The following KIAA0825 variants were observed in gnomAD, a reference collection of about 807,000 sequenced individuals.
The protein encoded by KIAA0825 is KIAA0825.
Under a neutral mutation model 147.6 loss-of-function variants are expected in KIAA0825, and 119 were observed. The observed-to-expected ratio is 0.81, with a 90% confidence interval of 0.69 to 0.94. KIAA0825 has a LOEUF of 0.94. KIAA0825 is among the 40% of genes least tolerant of loss of function. The probability of loss-of-function intolerance (pLI) is 0.00; values close to 1 mark genes in which losing one functional copy is unlikely to be tolerated. For synonymous variants in KIAA0825, 470 were observed against 518.1 expected (o/e 0.91, Z 1.26); for missense variants, 1,381 against 1,472.7 (o/e 0.94, Z 1.02).
chr5:94,226,629 A>G (rs991195131), intron 20 of KIAA0825, among the ~76,000 whole-genome samples: 1 of 152,138 alleles, frequency 6.6e-6, no homozygotes, highest in African/African-American at 2.4e-5. Context: ...ATGTCCATCA[A>G]TGATAGAGTG....
chr5:94,181,649 A>G (rs1392229010), intron 20 of KIAA0825, among the ~76,000 whole-genome samples: 1 of 152,218 alleles, frequency 6.6e-6, no homozygotes, highest in Non-Finnish European at 1.5e-5. Flanking sequence ...AAGACATGCC[A>G]TGGCACATCC....
intron 2 of KIAA0825, among the ~76,000 whole-genome samples, chr5:94,563,400 G>A (rs1267515322): frequency 3.3e-5 from 5 of 150,962 alleles, no homozygotes; most frequent in Non-Finnish European, 7.4e-5. Flanking sequence ...CAACTTCAAA[G>A]TCAGATTTCT....
intron 20 of KIAA0825, among the ~76,000 whole-genome samples, chr5:94,210,298 G>C (rs1029436867): frequency 6.6e-6 from 1 of 152,172 alleles, no homozygotes; most frequent in African/African-American, 2.4e-5. Context: ...TATTTGCTTA[G>C]TGCAACATGA....
At chr5:94,505,712 G>A (rs1478632205) in intron 5 of KIAA0825, among the ~76,000 whole-genome samples, 1 of 151,828 alleles carries the variant, frequency 6.6e-6, no homozygotes, top group Non-Finnish European at 1.5e-5. Flanking sequence ...TAAAGAAAAA[G>A]GTCAAATTAA....
chr5:94,247,442 T>C (rs1035269573), intron 20 of KIAA0825, among the ~76,000 whole-genome samples: 4 of 152,122 alleles, frequency 2.6e-5, no homozygotes, highest in African/African-American at 9.7e-5. Flanking sequence ...GTCATCTTAA[T>C]TTTATTTACA....
chr5:94,593,283 A>T (rs1784668290), intron 1 of KIAA0825: 1 of 773,660 alleles, frequency 1.3e-6, no homozygotes, highest in Admixed American at 1.7e-5. Context: ...TTAGTCCATT[A>T]ATGGGAAAAA....
chr5:94,444,637 A>C (rs1425159886), intron 13 of KIAA0825, among the ~76,000 whole-genome samples: 2 of 152,124 alleles, frequency 1.3e-5, no homozygotes, highest in African/African-American at 4.8e-5. Context: ...TAGGTGGTAG[A>C]AGAATGTAAT....
In KIAA0825 at chr5:94,403,692, T is replaced by C; in HGVS notation, c.2764A>G (p.Ser922Gly). The change falls in exon 16 of 21, where the codon AGT (serine) becomes GGT (glycine). Residue 922 changes from serine to glycine, a missense_variant. By Grantham distance (56) the Ser-to-Gly change is moderately conservative (BLOSUM62 0). Transcript: ENST00000682413. ...TTTGTCTCACAGTTTCTCCTAGAAC[T>C]CATTACAGATACTATCTGCTGTACA... is the stretch of plus-strand genomic sequence containing the variant. ...DTVQQIVSVM[S>G]SRRNCETNLN... The C allele has an allele frequency of 6.4e-7, 1 of 1,551,584 alleles. No homozygotes were observed. The highest frequency in any genetic ancestry group is 1.2e-5 in the South Asian group (1 of 84,062).
chr5:94,278,350 A>T (rs1055652309), intron 20 of KIAA0825, among the ~76,000 whole-genome samples: 2 of 152,196 alleles, frequency 1.3e-5, no homozygotes, highest in Non-Finnish European at 2.9e-5. Context: ...GGAAATAAGT[A>T]TATTAAGGCA....
At position 94,413,878 on chromosome 5, in the gene KIAA0825, A is replaced by G. The variant is rs1584421486; in HGVS notation, c.2662+3323T>C. 3 of 152,238 alleles carry G rather than the reference A, an allele frequency of 2.0e-5. No individual in the cohort carries two copies. In the South Asian group the frequency reaches 6.2e-4, roughly 32 times the overall value. The allele number at this position is 152,238 out of a possible 1,614,324, so 9.4% of individuals were successfully genotyped here. On this transcript the variant is annotated intron_variant, in intron 15 of 20. Coordinates refer to ENST00000682413, the MANE Select transcript of KIAA0825 (RefSeq NM_001145678.3). Reference sequence around the variant, plus strand: ...AATACATGATTAGTTACAACATAGAACAAAGACAGCCTTTCAATATGTGAA... The same window carrying G: ...AATACATGATTAGTTACAACATAGAGCAAAGACAGCCTTTCAATATGTGAA...
chr5:94,332,209 CTTTCT>C (rs1466215960), intron 20 of KIAA0825, among the ~76,000 whole-genome samples: 4 of 143,964 alleles, frequency 2.8e-5, no homozygotes, highest in African/African-American at 1.0e-4. Context: ...AAGGAATTTT[CTTTCT>C]TTTCTTTTCT....
chr5:94,184,182 G>A (rs541996154), intron 20 of KIAA0825, among the ~76,000 whole-genome samples: 1 of 152,248 alleles, frequency 6.6e-6, no homozygotes, highest in South Asian at 2.1e-4. Flanking sequence ...TAAGTGTCGC[G>A]AGTAGAGAAA....
intron 20 of KIAA0825, among the ~76,000 whole-genome samples, chr5:94,272,767 A>G (rs1777050911): frequency 6.6e-6 from 1 of 152,230 alleles, no homozygotes; most frequent in Non-Finnish European, 1.5e-5. Flanking sequence ...TGCTTATTTC[A>G]AAGAAATGTT....
At position 94,600,579 on chromosome 5, in the gene KIAA0825, C is replaced by T. The variant is rs140173716; in HGVS notation, c.-153+17921G>A. 1.5e-3 allele frequency among the ~76,000 whole-genome samples: 227 copies of T among 152,196 alleles called. 1 individual carries two copies. Among genetic ancestry groups the T allele is most frequent in the Admixed American group, 2.4e-3 (37 of 15,282 alleles). ...TTTCTCCAATATATATTTAGTATTA[C>T]CACCATAACTTGATTATGCCTCTGT... On this transcript the variant is annotated intron_variant, in intron 1 of 20. Coordinates refer to ENST00000682413, the MANE Select transcript of KIAA0825 (RefSeq NM_001145678.3).
At chr5:94,430,276 A>G (rs2150782922) in intron 14 of KIAA0825, among the ~76,000 whole-genome samples, 1 of 152,324 alleles carries the variant, frequency 6.6e-6, no homozygotes, top group Non-Finnish European at 1.5e-5. Context: ...TTTGCAGTCT[A>G]AAACACTGCC....
chr5:94,265,349 A>G (rs1776695728), intron 20 of KIAA0825, among the ~76,000 whole-genome samples: 1 of 152,200 alleles, frequency 6.6e-6, no homozygotes, highest in Admixed American at 6.5e-5. Flanking sequence ...AAATCAAAGC[A>G]ATTTTTATAC....
chr5:94,351,332 A>C (rs1051749324), intron 20 of KIAA0825, among the ~76,000 whole-genome samples: 3 of 152,032 alleles, frequency 2.0e-5, no homozygotes, highest in East Asian at 1.9e-4. Flanking sequence ...ATAGCTGAAA[A>C]AACAACAACA....
At chr5:94,189,279 T>C (rs1313403217) in intron 20 of KIAA0825, among the ~76,000 whole-genome samples, 1 of 152,196 alleles carries the variant, frequency 6.6e-6, no homozygotes, top group Non-Finnish European at 1.5e-5. Flanking sequence ...TGAGAGTCCA[T>C]TTTAACTTCA....
chr5:94,300,231 G>T (rs1383980957), intron 20 of KIAA0825, among the ~76,000 whole-genome samples: 1 of 152,048 alleles, frequency 6.6e-6, no homozygotes, highest in Non-Finnish European at 1.5e-5. Context: ...GTCTTCTTCT[G>T]TAAAGGTGCA....
Sources: gnomAD v4.1 joint callset for allele counts (sites outside exome capture counted in the v4.1 genomes callset) on GRCh38, gnomAD v4.1.1 for gene constraint, MANE v1.5 for transcripts, NCBI Gene and HGNC (gene_info 2026-07-23, HGNC 2026-07-21) for gene names.